APTX: variants seen among roughly 807,000 people sequenced by gnomAD.
The protein encoded by APTX is forkhead-associated domain histidine triad-like protein.
APTX carries 33 observed loss-of-function variants against 42.3 expected under a neutral mutation model. That is an observed-to-expected ratio of 0.78 (90% CI 0.59 to 1.04). The LOEUF (loss-of-function observed/expected upper bound fraction) is 1.04, where lower values mean the gene tolerates loss of function less well. Ranked by LOEUF, APTX falls within the 50% of genes least tolerant of loss-of-function variation. The pLI is 0.00. For synonymous variants in APTX, 130 were observed against 146.7 expected, an observed-to-expected ratio of 0.89 and a Z score of 0.82; for missense variants, 421 against 415.1, an observed-to-expected ratio of 1.01 and a Z score of -0.12.
upstream of APTX, among the ~76,000 whole-genome samples, chr9:33,002,226 T>C (rs1308972157): frequency 6.6e-6 from 1 of 152,092 alleles, no homozygotes; most frequent in African/African-American, 2.4e-5. Context: ...TCAAAGGCAT[T>C]TTGGCAGAAG....
chr9:32,997,457 T>G (rs141963835), intron 1 of APTX: 2 of 151,252 alleles, frequency 1.3e-5, no homozygotes, highest in Non-Finnish European at 3.0e-5. Flanking sequence ...CCAACCGAGA[T>G]TGGGAGGAAG....
intron 5 of APTX, 88 bp from the exon 6 acceptor site, chr9:32,984,945 C>A: frequency 1.6e-6 from 2 of 1,241,656 alleles, no homozygotes; most frequent in Non-Finnish European, 2.3e-6. Context: ...TCACTTAATT[C>A]CCACAGTCTT....
At chr9:33,001,342 G>C (rs552512592) in intron 1 of APTX, 3 of 1,526,528 alleles carry the variant, frequency 2.0e-6, no homozygotes, top group Non-Finnish European at 2.6e-6. Flanking sequence ...CAGGTGTCGG[G>C]AGCACACGTG....
At chr9:32,988,049 C>A (rs556048747) in intron 3 of APTX, 34 bp downstream of exon 3, 1 of 1,603,414 alleles carries the variant, frequency 6.2e-7, no homozygotes, top group East Asian at 2.2e-5. Flanking sequence ...AGAAAATCAT[C>A]GAGTATAAAA....
At chr9:32,979,240 G>A (rs1484701254) in intron 6 of APTX, among the ~76,000 whole-genome samples, 1 of 152,080 alleles carries the variant, frequency 6.6e-6, no homozygotes, top group African/African-American at 2.4e-5. Flanking sequence ...CCTGCTTTGT[G>A]TCCATGTGTG....
intron 1 of APTX, among the ~76,000 whole-genome samples, chr9:32,997,716 G>T (rs193213237): frequency 5.6e-4 from 85 of 152,358 alleles, no homozygotes; most frequent in Admixed American, 1.6e-3. Context: ...CAGAGAAGAG[G>T]CTGGAGATAC....
intron 1 of APTX, among the ~76,000 whole-genome samples, chr9:33,009,556 A>T (rs1350051559): frequency 6.6e-6 from 1 of 152,180 alleles, no homozygotes; most frequent in Non-Finnish European, 1.5e-5. Flanking sequence ...AGGCAGGAAG[A>T]CTGCTTGAGA....
At chr9:33,009,681 A>G (rs534312000) in intron 1 of APTX, among the ~76,000 whole-genome samples, 1 of 152,260 alleles carries the variant, frequency 6.6e-6, no homozygotes, top group East Asian at 1.9e-4. Flanking sequence ...TGAGAGACTG[A>G]GGAAAGAGGA....
At position 32,988,082 on chromosome 9, in the gene APTX, C is replaced by T; in HGVS notation, c.180+1G>A. ...AAATTCCAAGTTATAAATACACCTA[C>T]CTGCTTTACCTTGACATATCCCTTG... On this transcript the variant is annotated splice_donor_variant, in intron 3 of 7. Transcript: ENST00000379817. LOFTEE classifies it high-confidence loss of function. 1 of 1,613,952 alleles carries T rather than the reference C, an allele frequency of 6.2e-7. No homozygotes were observed. The highest frequency in any genetic ancestry group is 8.5e-7 in the Non-Finnish European group (1 of 1,179,822).
At chr9:33,015,015 T>C (rs1300153249) in intron 1 of APTX, among the ~76,000 whole-genome samples, 1 of 152,256 alleles carries the variant, frequency 6.6e-6, no homozygotes, top group Non-Finnish European at 1.5e-5. Context: ...GACAAATTCA[T>C]GGCCCAGCTG....
intron 4 of APTX, among the ~76,000 whole-genome samples, chr9:32,986,428 C>A (rs1832149809): frequency 1.3e-5 from 2 of 152,072 alleles, no homozygotes; most frequent in Non-Finnish European, 2.9e-5. Context: ...AACTCCTCAC[C>A]TCAGGTGATC....
intron 5 of APTX, among the ~76,000 whole-genome samples, chr9:32,985,698 T>G (rs1935574757): frequency 6.6e-6 from 1 of 152,108 alleles, no homozygotes; most frequent in Admixed American, 6.5e-5. Flanking sequence ...GGAACCATAC[T>G]AAGGTTAATG....
intron 1 of APTX, among the ~76,000 whole-genome samples, chr9:33,021,528 C>A (rs1015804231): frequency 3.9e-5 from 6 of 152,068 alleles, no homozygotes; most frequent in African/African-American, 1.4e-4. Context: ...ATTAAGTATA[C>A]ATTAAAAGTG....
At chr9:32,974,059 T>C (rs934463639) in intron 7 of APTX, among the ~76,000 whole-genome samples, 3 of 152,064 alleles carry the variant, frequency 2.0e-5, no homozygotes, top group African/African-American at 7.2e-5. Context: ...CTTCTACATA[T>C]ACACAGGGTT....
Position 32,984,726 on chromosome 9 carries a change from C to T in APTX, c.675G>A (p.Lys225=). 1.2e-6 allele frequency: 2 copies of T among 1,614,194 alleles called. No individual in the cohort carries two copies. Among genetic ancestry groups the T allele is most frequent in the Non-Finnish European group, 1.7e-6 (2 of 1,180,034 alleles). The change falls in exon 6 of 8, where the codon AAG becomes AAA. Residue 225 remains lysine (K), a synonymous_variant. Transcript: ENST00000379817. Reference sequence around the variant, plus strand: ...CCTTTTCCCCCACAGTGTGCATATGCTTAAGGAGTTCAAGGTGTTCCCTGG... The same window carrying T: ...CCTTTTCCCCCACAGTGTGCATATGTTTAAGGAGTTCAAGGTGTTCCCTGG... The part of the protein sequence containing the change: ...AVAREHLELL[K]HMHTVGEKVI...
intron 6 of APTX, among the ~76,000 whole-genome samples, chr9:32,980,647 C>T (rs1232820292): frequency 6.6e-6 from 1 of 152,190 alleles, no homozygotes; most frequent in East Asian, 1.9e-4. Context: ...GCTGCTACAG[C>T]AGTCTAGGCC....
Position 32,986,988 on chromosome 9 carries a change from T to C in APTX, c.483+556A>G, listed in dbSNP as rs188201921. ...CCACCAGGCCCAGCTAATTTTTGTA[T>C]TTTTAGTAGACATGGAGTTTCACAA... On this transcript the variant is annotated intron_variant, in intron 4 of 7. Transcript: ENST00000379817. 1.4e-3 allele frequency among the ~76,000 whole-genome samples: 209 copies of C among 151,948 alleles called. 1 individual carries two copies. The highest frequency in any genetic ancestry group is 6.8e-3 in the Middle Eastern group (2 of 294).
Position 32,986,217 on chromosome 9 carries a change from TTC to T in APTX, c.484-189_484-188del, listed in dbSNP as rs1465876948. 24 of 733,968 alleles carry T rather than the reference TTC, an allele frequency of 3.3e-5. 1 individual carries two copies. The East Asian group carries it at 4.1e-4, about 12-fold the overall frequency. The allele number at this position is 733,968 out of a possible 1,614,324, so 45.5% of individuals were successfully genotyped here. ...TGCTTCACTCCATTGCCTTCCTATA[TTC>T]TCTTTTTTTTTGAGACAAAGTCTCA... is the stretch of plus-strand genomic sequence containing the variant. On this transcript the variant is annotated intron_variant, in intron 4 of 7. Transcript: ENST00000379817.
rs148292963 is a variant in APTX, at chr9:32,973,357, C to T, written c.*141G>A. 1.0e-3 allele frequency: 1,012 copies of T among 995,456 alleles called. 7 individuals are homozygous for T. In the African/African-American group the frequency reaches 0.014, roughly 14 times the overall value. 61.7% of individuals were successfully genotyped at this position (995,456 alleles called of 1,614,324 possible). On this transcript the variant is annotated 3_prime_UTR_variant, in exon 8 of 8. Coordinates refer to ENST00000379817, the MANE Select transcript of APTX (RefSeq NM_001195248.2). ...ACTTTGAGCCACTCTACATTGTGGC[C>T]ACTCAATAATAGAATAAATTTGTGA...
Sources: allele counts gnomAD v4.1 joint callset (sites outside exome capture counted in the v4.1 genomes callset), GRCh38; gene constraint gnomAD v4.1.1; transcripts MANE v1.5; gene names NCBI Gene and HGNC (gene_info 2026-07-23, HGNC 2026-07-21).